GAS6: variants seen among roughly 807,000 people sequenced by gnomAD.
GAS6 encodes the protein growth arrest specific 6, also known as growth arrest-specific protein 6.
In GAS6, 41 loss-of-function variants were observed where a neutral mutation model predicts 75.8. The ratio of observed to expected loss-of-function variants is 0.54; its 90% CI spans 0.42 to 0.70. The LOEUF (loss-of-function observed/expected upper bound fraction) is 0.70, where lower values mean the gene tolerates loss of function less well. GAS6 is among the 30% of genes least tolerant of loss of function. GAS6 has a pLI of 0.00. For missense variants in GAS6, 854 were observed against 940.2 expected, an observed-to-expected ratio of 0.91 and a Z score of 1.20; for synonymous variants, 432 against 412.6, an observed-to-expected ratio of 1.05 and a Z score of -0.57.
In GAS6 at chr13:113,820,625, A is replaced by G. The variant is rs1179329977; in HGVS notation, c.*239T>C. On this transcript the variant is annotated 3_prime_UTR_variant, in exon 15 of 15. Transcript: ENST00000327773. Reference sequence around the variant, plus strand: ...AAGCGCTTGGTAATAAAAATAATAGAGAATTATTTTCTTCGAGCCCGCTCT... The same window carrying G: ...AAGCGCTTGGTAATAAAAATAATAGGGAATTATTTTCTTCGAGCCCGCTCT... The G allele has an allele frequency of 2.0e-6, 1 of 488,854 alleles. No homozygotes were observed. The highest frequency in any genetic ancestry group is 3.6e-6 in the Non-Finnish European group (1 of 274,710). The allele number at this position is 488,854 out of a possible 1,614,324, so 30.3% of individuals were successfully genotyped here.
chr13:113,838,125 A>T lies in GAS6; in HGVS notation c.533T>A (p.Phe178Tyr), dbSNP rs2051736063. 4 of 1,612,880 alleles carry T rather than the reference A, an allele frequency of 2.5e-6. No homozygotes were observed. Among genetic ancestry groups the T allele is most frequent in the South Asian group, 1.1e-5 (1 of 91,088 alleles). The change falls in exon 6 of 15, where the codon TTC (phenylalanine) becomes TAC (tyrosine). Residue 178 changes from phenylalanine to tyrosine, a missense_variant. By Grantham distance (22) the Phe-to-Tyr change is conservative. Coordinates refer to ENST00000327773, the MANE Select transcript of GAS6 (RefSeq NM_000820.4). ...LQICHNKPGS[F>Y]HCSCHSGFEL... ...GAAGCCGCTGTGGCAGGAACAGTGG[A>T]AGCTACCCGGCTTGTTGTGGCAGAT...
intron 10 of GAS6, among the ~76,000 whole-genome samples, chr13:113,829,682 G>A (rs2051604831): frequency 6.7e-6 from 1 of 149,474 alleles, no homozygotes; most frequent in African/African-American, 2.5e-5. Context: ...GGCCAAGAGG[G>A]ACCTGACCTC....
chr13:113,854,091 G>A (rs1027492756), intron 2 of GAS6, among the ~76,000 whole-genome samples: 18 of 152,194 alleles, frequency 1.2e-4, no homozygotes, highest in African/African-American at 4.3e-4. Flanking sequence ...CAGGGTCAGC[G>A]GTGACAGGTG....
intron 4 of GAS6, chr13:113,842,373 C>G: frequency 2.6e-6 from 1 of 391,094 alleles, no homozygotes. Context: ...CTGAAGCACA[C>G]AGGGGCTGGG....
rs1369512777 is a variant in GAS6, at chr13:113,832,761, G to T, written c.835-9C>A. ...ACGCACGGCAAGATGTCCTGCCACG[G>T]ACGGGGGCCACGCCGGTCGGGGATG... On this transcript the variant is annotated splice_polypyrimidine_tract_variant and intron_variant, in intron 8 of 14. Coordinates refer to ENST00000327773, the MANE Select transcript of GAS6 (RefSeq NM_000820.4). The T allele has an allele frequency of 1.1e-5, 18 of 1,612,460 alleles. No individual in the cohort carries two copies. Among genetic ancestry groups the T allele is most frequent in the Non-Finnish European group, 1.4e-5 (17 of 1,179,900 alleles).
rs2051849759 is a variant in GAS6 at position 113,848,341 on chromosome 13, A to G, written c.256-291T>C. Reference sequence around the variant, plus strand: ...AAACCCCACTCTTAGTTCCCTGTTGACATAAGGGTCTCTAAAACCCAAAGA... The same window carrying G: ...AAACCCCACTCTTAGTTCCCTGTTGGCATAAGGGTCTCTAAAACCCAAAGA... On this transcript the variant is annotated intron_variant, in intron 2 of 14. Coordinates refer to ENST00000327773, the MANE Select transcript of GAS6 (RefSeq NM_000820.4). This position sits in a 1 kb window ranked among gnomAD's most constrained non-coding sequence, Gnocchi z 4.8. 6.6e-6 allele frequency among the ~76,000 whole-genome samples: 1 copy of G among 152,172 alleles called. No homozygotes were observed. Among genetic ancestry groups the G allele is most frequent in the Non-Finnish European group, 1.5e-5 (1 of 68,034 alleles).
At chr13:113,856,184 G>C (rs550498087) in intron 2 of GAS6, among the ~76,000 whole-genome samples, 8 of 152,274 alleles carry the variant, frequency 5.3e-5, no homozygotes, top group Non-Finnish European at 1.2e-4. Flanking sequence ...CCCCGCAGCC[G>C]CCCTGTGCTT....
chr13:113,840,636 G>T (rs2051765077), intron 4 of GAS6: 4 of 152,292 alleles, frequency 2.6e-5, no homozygotes, highest in Admixed American at 2.0e-4. Context: ...GCCCCCGACA[G>T]TGCAGTTACG....
At chr13:113,840,708 C>T (rs1166041589) in intron 4 of GAS6, 2 of 152,270 alleles carry the variant, frequency 1.3e-5, no homozygotes, top group African/African-American at 4.8e-5. Context: ...CTCAAAGAAT[C>T]CTTTCATGGC....
chr13:113,863,500 G>C lies in GAS6; in HGVS notation c.255+75C>G. On this transcript the variant is annotated intron_variant, in intron 2 of 14. Transcript: ENST00000327773. The surrounding 1 kb of genome is among the most constrained non-coding windows in gnomAD (Gnocchi z 9.4). ...CGCGCGGAGCTGGGGGGCGGCAGCAGCGCTGCCTCTCGGGAGCGGTTGGAG... is the reference window on the plus strand; with the variant it reads ...CGCGCGGAGCTGGGGGGCGGCAGCACCGCTGCCTCTCGGGAGCGGTTGGAG... 1 of 1,388,942 alleles carries C rather than the reference G, an allele frequency of 7.2e-7. No individual in the cohort carries two copies. Among genetic ancestry groups the C allele is most frequent in the South Asian group, 1.4e-5 (1 of 69,496 alleles). 86.0% of individuals were successfully genotyped at this position (1,388,942 alleles called of 1,614,324 possible). A position where few individuals can be genotyped will look rare whatever the true frequency, so the allele number is the denominator to read the frequency against.
chr13:113,833,028 T>A (rs1447878672), intron 8 of GAS6: 5 of 1,339,110 alleles, frequency 3.7e-6, no homozygotes, highest in Admixed American at 6.2e-5. Context: ...TATTTTTAAA[T>A]TATGAAATAT....
rs1254045016 is a variant in GAS6, at chr13:113,828,684, G to T, written c.1171C>A (p.Leu391Met). The change falls in exon 11 of 15, where the codon CTG becomes ATG. Residue 391 changes from leucine to methionine, a missense_variant. By Grantham distance (15) the Leu-to-Met change is conservative. Transcript: ENST00000327773. ...TISVEELARN[L>M]VIKVNRDAVM... ...GCATCCCTGTTGACCTTGATGACCAGATTCCGCGCCAGCTCCTCAACAGAG... is the reference window on the plus strand; with the variant it reads ...GCATCCCTGTTGACCTTGATGACCATATTCCGCGCCAGCTCCTCAACAGAG... The T allele has an allele frequency of 2.0e-5, 32 of 1,613,358 alleles. No individual in the cohort carries two copies. Among genetic ancestry groups the T allele is most frequent in the Non-Finnish European group, 2.7e-5 (32 of 1,179,996 alleles).
Position 113,825,924 on chromosome 13 carries a change from C to T in GAS6, c.1477+1072G>A, listed in dbSNP as rs147420126. On this transcript the variant is annotated intron_variant, in intron 12 of 14. Transcript: ENST00000327773. ...GGGTTCCTGCTGGGTGCTTGAGGGC[C>T]GGCAGCCCTGAGATCTGACGGAGGG... Among the ~76,000 whole-genome samples the T allele has an allele frequency of 3.0e-4, 45 of 152,310 alleles. 1 individual carries two copies. Among genetic ancestry groups the T allele is most frequent in the Middle Eastern group, 3.4e-3 (1 of 294 alleles).
intron 4 of GAS6, chr13:113,842,361 C>T (rs1414916052): frequency 5.2e-6 from 2 of 387,804 alleles, no homozygotes; most frequent in Non-Finnish European, 9.0e-6. Flanking sequence ...ACGCTTTCTA[C>T]TCTGAAGCAC....
At chr13:113,831,796 C>T (rs2051633923) in intron 10 of GAS6, among the ~76,000 whole-genome samples, 2 of 118,516 alleles carry the variant, frequency 1.7e-5, no homozygotes, top group African/African-American at 3.2e-5. Flanking sequence ...CCCCGTCCCC[C>T]GGAGCATGAA....
chr13:113,838,909 G>A (rs1365422925), intron 5 of GAS6, among the ~76,000 whole-genome samples: 1 of 152,152 alleles, frequency 6.6e-6, no homozygotes, highest in Non-Finnish European at 1.5e-5. Context: ...CCCAGGGCTT[G>A]GACCTCACAC....
intron 2 of GAS6, among the ~76,000 whole-genome samples, chr13:113,857,604 G>A (rs2051924560): frequency 6.6e-6 from 1 of 152,214 alleles, no homozygotes; most frequent in Non-Finnish European, 1.5e-5. Flanking sequence ...TCGCTCTGGG[G>A]TAAAGCCATA....
chr13:113,832,766 G>C lies in GAS6; in HGVS notation c.835-14C>G, dbSNP rs2138631541. 1 of 1,612,442 alleles carries C rather than the reference G, an allele frequency of 6.2e-7. No homozygotes were observed. Among genetic ancestry groups the C allele is most frequent in the South Asian group, 1.1e-5 (1 of 91,082 alleles). On this transcript the variant is annotated splice_polypyrimidine_tract_variant and intron_variant, in intron 8 of 14. Transcript: ENST00000327773. The stretch of plus-strand genomic sequence containing the variant: ...CGGCAAGATGTCCTGCCACGGACGG[G>C]GGCCACGCCGGTCGGGGATGTGGCC...
chr13:113,853,196 G>A (rs920300332), intron 2 of GAS6, among the ~76,000 whole-genome samples: 5 of 152,226 alleles, frequency 3.3e-5, no homozygotes, highest in African/African-American at 1.2e-4. Flanking sequence ...GCACTGAACT[G>A]GAAGCACCTC....
Sources: gnomAD v4.1 joint callset for allele counts (sites outside exome capture counted in the v4.1 genomes callset) on GRCh38, gnomAD v4.1.1 for gene constraint, Gnocchi (gnomAD v3.1) non-coding constraint, MANE v1.5 for transcripts, NCBI Gene and HGNC (gene_info 2026-07-23, HGNC 2026-07-21) for gene names.